Variants in FRK observed in about 807,000 individuals in gnomAD.
FRK encodes the protein fyn related Src family tyrosine kinase, also known as tyrosine-protein kinase FRK.
A neutral mutation model predicts 56.4 loss-of-function variants in FRK; 51 were observed. The ratio of observed to expected loss-of-function variants is 0.90; its 90% CI spans 0.72 to 1.14. FRK has a LOEUF of 1.14. Among genes scored for constraint, FRK ranks in the 50% most tolerant of loss-of-function variants. FRK has a pLI of 0.00. For missense variants in FRK, 570 were observed against 601.4 expected, an observed-to-expected ratio of 0.95 and a Z score of 0.55; for synonymous variants, 245 against 217.9, an observed-to-expected ratio of 1.12 and a Z score of -1.10.
chr6:116,017,381 A>T (rs1271343490), intron 1 of FRK, among the ~76,000 whole-genome samples: 2 of 152,130 alleles, frequency 1.3e-5, no homozygotes, highest in Non-Finnish European at 2.9e-5. Flanking sequence ...AATAAGGCAA[A>T]CACCGAGCTG....
At chr6:116,096,979 C>A in the FRK span, among the ~76,000 whole-genome samples, 2 of 152,326 alleles carry the variant, frequency 1.3e-5, no homozygotes, top group East Asian at 1.9e-4. Context: ...CCATTACGTC[C>A]TCCCTCTCCA....
intron 1 of FRK, among the ~76,000 whole-genome samples, chr6:116,059,361 C>T (rs1197188347): frequency 6.6e-6 from 1 of 151,760 alleles, no homozygotes; most frequent in Non-Finnish European, 1.5e-5. Flanking sequence ...TAATAAAAAC[C>T]AAAAGATATC....
At chr6:115,983,275 AG>A (rs764467704) in intron 2 of FRK, among the ~76,000 whole-genome samples, 32 of 152,252 alleles carry the variant, frequency 2.1e-4, no homozygotes, top group Admixed American at 3.9e-4. Context: ...GTTCAAAACC[AG>A]GTAGTGAGAT....
At chr6:115,982,427 T>A (rs1485434923) in intron 2 of FRK, among the ~76,000 whole-genome samples, 1 of 152,166 alleles carries the variant, frequency 6.6e-6, no homozygotes, top group African/African-American at 2.4e-5. Flanking sequence ...TATATATACT[T>A]TACTAGTTCT....
chr6:116,039,147 C>A, intron 1 of FRK: 1 of 987,098 alleles, frequency 1.0e-6, no homozygotes, highest in Non-Finnish European at 1.6e-6. Flanking sequence ...GAGAAGCTAG[C>A]TGAAAGGGAA....
intron 1 of FRK, among the ~76,000 whole-genome samples, chr6:116,055,718 T>A (rs1194466249): frequency 6.6e-6 from 1 of 152,226 alleles, no homozygotes; most frequent in Non-Finnish European, 1.5e-5. Context: ...GCTGAGTCAT[T>A]CACTTAGCAC....
In FRK at chr6:115,934,702, AGAAAG is replaced by A. The variant is rs1405182509; in HGVS notation, c.*7707_*7711del. The A allele has an allele frequency of 6.6e-6, 1 of 152,246 alleles. No homozygotes were observed. The highest frequency in any genetic ancestry group is 2.4e-5 in the African/African-American group (1 of 41,480). The allele number at this position is 152,246 out of a possible 1,614,324, so 9.4% of individuals were successfully genotyped here. On this transcript the variant is annotated 3_prime_UTR_variant, in exon 8 of 8. Transcript: ENST00000606080. ...GTTTAGATAGGCGCTTCTCCTTTAAAGAAAGGCATGAGAATATACTCAAAATATTC... is the reference window on the plus strand; with the variant it reads ...GTTTAGATAGGCGCTTCTCCTTTAAAGCATGAGAATATACTCAAAATATTC...
At chr6:116,082,368 G>A in the FRK span, among the ~76,000 whole-genome samples, 4 of 152,148 alleles carry the variant, frequency 2.6e-5, no homozygotes, top group Non-Finnish European at 4.4e-5. Context: ...TCTGCCTTGG[G>A]CTAAGGACAG....
intron 5 of FRK, among the ~76,000 whole-genome samples, chr6:115,946,153 A>G (rs1772442381): frequency 6.6e-6 from 1 of 152,154 alleles, no homozygotes; most frequent in South Asian, 2.1e-4. Flanking sequence ...GCTGAATACT[A>G]CATAAATTCC....
At chr6:115,954,253 T>C (rs1400533140) in intron 5 of FRK, among the ~76,000 whole-genome samples, 1 of 152,152 alleles carries the variant, frequency 6.6e-6, no homozygotes, top group Non-Finnish European at 1.5e-5. Context: ...AAGGAGAAGT[T>C]GTAGAAGATG....
chr6:116,082,344 G>A, the FRK span, among the ~76,000 whole-genome samples: 1 of 152,174 alleles, frequency 6.6e-6, no homozygotes, highest in Non-Finnish European at 1.5e-5. Context: ...TCTATTTTAT[G>A]CTTAAAGAAG....
chr6:116,004,470 T>C lies in FRK; in HGVS notation c.345-472A>G, dbSNP rs577129473. Among the ~76,000 whole-genome samples the C allele has an allele frequency of 3.0e-4, 45 of 152,290 alleles. 1 individual carries two copies. The highest frequency in any genetic ancestry group is 3.4e-3 in the Middle Eastern group (1 of 294). ...GTTAAAGTACGAAGGATTAAAAATA[T>C]AGTTCTCTGGATATTAGTTCCTTTC... On this transcript the variant is annotated intron_variant, in intron 1 of 7. Coordinates refer to ENST00000606080, the MANE Select transcript of FRK (RefSeq NM_002031.3).
chr6:116,001,599 G>A (rs1057434452), intron 2 of FRK, among the ~76,000 whole-genome samples: 5 of 152,110 alleles, frequency 3.3e-5, no homozygotes, highest in Non-Finnish European at 7.4e-5. Flanking sequence ...AACCAATCAG[G>A]ACTCAACTTT....
chr6:116,002,490 G>A (rs148011688), intron 2 of FRK, among the ~76,000 whole-genome samples: 33 of 152,228 alleles, frequency 2.2e-4, no homozygotes, highest in Non-Finnish European at 2.9e-4. Context: ...AGTGGCACGC[G>A]CCTGTAGTCC....
At chr6:115,980,015 C>A (rs1011215600) in intron 2 of FRK, among the ~76,000 whole-genome samples, 2 of 152,038 alleles carry the variant, frequency 1.3e-5, no homozygotes, top group African/African-American at 4.8e-5. Context: ...AAATTTCTCA[C>A]ATTATGTCCT....
Position 115,941,225 on chromosome 6 carries a change from T to C in FRK, c.*1189A>G, listed in dbSNP as rs476701. On this transcript the variant is annotated 3_prime_UTR_variant, in exon 8 of 8. Transcript: ENST00000606080. ...GGATAAAGCTGGAAACCATCATTCT[T>C]AACAAACTAACACAAGAACAAAAAA... 0.97 allele frequency: 147,368 copies of C among 152,246 alleles called. 71,513 individuals are homozygous for C. Among genetic ancestry groups the C allele is most frequent in the East Asian group, 1 (5,162 of 5,162 alleles). 9.4% of individuals were successfully genotyped at this position (152,246 alleles called of 1,614,324 possible). A position where few individuals can be genotyped will look rare whatever the true frequency, so the allele number is the denominator to read the frequency against.
chr6:116,065,785 T>C (rs1356486936), upstream of FRK, among the ~76,000 whole-genome samples: 1 of 152,202 alleles, frequency 6.6e-6, no homozygotes, highest in Non-Finnish European at 1.5e-5. Flanking sequence ...ATTGACACAA[T>C]GCCTAACACT....
At chr6:115,973,216 A>G (rs1242264186) in intron 2 of FRK, among the ~76,000 whole-genome samples, 2 of 152,166 alleles carry the variant, frequency 1.3e-5, no homozygotes, top group South Asian at 2.1e-4. Context: ...TATAATAATC[A>G]TCAAATAGAG....
chr6:116,098,207 G>A, the FRK span, among the ~76,000 whole-genome samples: 3 of 149,332 alleles, frequency 2.0e-5, no homozygotes, highest in African/African-American at 7.5e-5. Flanking sequence ...TGCCTCCCAG[G>A]TTCAAGCGAT....
Sources: allele counts gnomAD v4.1 joint callset (sites outside exome capture counted in the v4.1 genomes callset), GRCh38; gene constraint gnomAD v4.1.1; transcripts MANE v1.5; gene names NCBI Gene and HGNC (gene_info 2026-07-23, HGNC 2026-07-21).